The following TBC1D1 variants were observed in gnomAD, a reference collection of about 807,000 sequenced individuals.
The protein encoded by TBC1D1 is TBC1 domain family member 1, also known as TBC1 (tre-2/USP6, BUB2, cdc16) domain family, member 1.
In TBC1D1, 89 loss-of-function variants were observed where a neutral mutation model predicts 125.6. That is an observed-to-expected ratio of 0.71 (90% CI 0.60 to 0.85). TBC1D1 has a LOEUF of 0.85. Among genes scored for constraint, TBC1D1 ranks in the 40% least tolerant of loss-of-function variants. The pLI is 0.00. For missense variants in TBC1D1, 1,377 were observed against 1,469.2 expected, an observed-to-expected ratio of 0.94 and a Z score of 1.03; for synonymous variants, 565 against 564.1, an observed-to-expected ratio of 1.00 and a Z score of -0.02.
At chr4:38,054,383 C>T in intron 12 of TBC1D1, 45 bp downstream of exon 14, 1 of 1,609,932 alleles carries the variant, frequency 6.2e-7, no homozygotes, top group Non-Finnish European at 8.5e-7. Flanking sequence ...AGCACGCTGA[C>T]AGAGGACCCT....
At chr4:37,903,630 T>C (rs1560458495) in intron 2 of TBC1D1, among the ~76,000 whole-genome samples, 1 of 152,252 alleles carries the variant, frequency 6.6e-6, no homozygotes. Flanking sequence ...ATGTACTCTC[T>C]AGGGTGTAAG....
chr4:38,084,028 C>T (rs1343598440), intron 12 of TBC1D1, among the ~76,000 whole-genome samples: 2 of 151,682 alleles, frequency 1.3e-5, no homozygotes, highest in East Asian at 1.9e-4. Context: ...AGCTCCGCCT[C>T]CCGGGTTCAT....
chr4:38,094,748 A>G (rs527421924), intron 13 of TBC1D1, among the ~76,000 whole-genome samples: 1 of 152,252 alleles, frequency 6.6e-6, no homozygotes, highest in East Asian at 1.9e-4. Context: ...TGCCAGAGGA[A>G]CGTACGTTGG....
At chr4:38,045,058 T>C (rs1168057743) in intron 9 of TBC1D1, among the ~76,000 whole-genome samples, 1 of 152,224 alleles carries the variant, frequency 6.6e-6, no homozygotes, top group Non-Finnish European at 1.5e-5. Flanking sequence ...ACACTTACTA[T>C]CTGGCCCTTT....
chr4:38,132,545 T>C (rs1406592864), intron 18 of TBC1D1, among the ~76,000 whole-genome samples: 1 of 152,238 alleles, frequency 6.6e-6, no homozygotes, highest in Non-Finnish European at 1.5e-5. Flanking sequence ...ATGTGGGTTT[T>C]GGCTCATTTC....
In TBC1D1 at chr4:38,029,139, C is replaced by T. The variant is rs895697258; in HGVS notation, c.1302+1260C>T. ...GTCTGCTTTAGCTGAGGGGCATTTTCGATGATTCCCTGGCACTTTTTTAGG... is the reference window on the plus strand; with the variant it reads ...GTCTGCTTTAGCTGAGGGGCATTTTTGATGATTCCCTGGCACTTTTTTAGG... On this transcript the variant is annotated intron_variant, in intron 7 of 19. Transcript: ENST00000261439. Among the ~76,000 whole-genome samples the T allele has an allele frequency of 9.2e-5, 14 of 152,068 alleles. No individual in the cohort carries two copies. The East Asian group carries it at 2.3e-3, about 25-fold the overall frequency.
chr4:38,037,300 TAA>T (rs1286704408), intron 8 of TBC1D1, among the ~76,000 whole-genome samples: 2 of 151,288 alleles, frequency 1.3e-5, no homozygotes, highest in Non-Finnish European at 2.9e-5. Context: ...CAAAAAAACA[TAA>T]GAGTTCAATG....
At chr4:38,002,781 A>G (rs1394346846) in intron 2 of TBC1D1, among the ~76,000 whole-genome samples, 1 of 152,212 alleles carries the variant, frequency 6.6e-6, no homozygotes, top group Non-Finnish European at 1.5e-5. Flanking sequence ...ATGGGTGGCC[A>G]TTATTTTAGA....
At chr4:38,111,188 C>T (rs1762141465) in intron 15 of TBC1D1, among the ~76,000 whole-genome samples, 1 of 152,210 alleles carries the variant, frequency 6.6e-6, no homozygotes, top group Admixed American at 6.5e-5. Flanking sequence ...GTGGATTGTC[C>T]AGGAAATGCT....
chr4:38,027,794 A>T lies in TBC1D1; in HGVS notation c.1217A>T (p.Asn406Ile). The T allele has an allele frequency of 6.2e-7, 1 of 1,609,534 alleles. No individual in the cohort carries two copies. The highest frequency in any genetic ancestry group is 8.5e-7 in the Non-Finnish European group (1 of 1,178,480). The change falls in exon 7 of 20, where the codon AAT (asparagine) becomes ATT (isoleucine). Residue 406 changes from asparagine (N) to isoleucine (I), a missense_variant. Physicochemically the swap from Asn to Ile is moderately radical, Grantham distance 149. This residue lies in a region of TBC1D1 where 822 missense variants were observed against 824.6 expected (regional missense o/e 1.00). Transcript: ENST00000261439. The stretch of plus-strand genomic sequence containing the variant: ...CTCTTTTTTCTCTTAATAGGAATGA[A>T]TTCTTCCAAAACAAAACTAGAACTG...
intron 2 of TBC1D1, among the ~76,000 whole-genome samples, chr4:37,946,835 C>T (rs1253492499): frequency 6.6e-6 from 1 of 152,190 alleles, no homozygotes; most frequent in Non-Finnish European, 1.5e-5. Context: ...TCAGGACTGC[C>T]TCAGGACTCC....
At chr4:37,976,374 C>T (rs1019630105) in intron 2 of TBC1D1, among the ~76,000 whole-genome samples, 1 of 152,236 alleles carries the variant, frequency 6.6e-6, no homozygotes, top group Non-Finnish European at 1.5e-5. Context: ...TCCTGGATTT[C>T]TGACCCACAG....
intron 17 of TBC1D1, among the ~76,000 whole-genome samples, chr4:38,124,385 A>G (rs1190169574): frequency 6.6e-6 from 1 of 152,244 alleles, no homozygotes; most frequent in African/African-American, 2.4e-5. Context: ...AGAACTAGGA[A>G]GTAACCTTGA....
chr4:37,898,330 G>A (rs1024578237), intron 1 of TBC1D1, among the ~76,000 whole-genome samples: 1 of 151,224 alleles, frequency 6.6e-6, no homozygotes, highest in Non-Finnish European at 1.5e-5. Flanking sequence ...AGTTGCTTGA[G>A]GTAGGACTTA....
intron 2 of TBC1D1, among the ~76,000 whole-genome samples, chr4:38,011,280 G>C (rs1428726869): frequency 1.3e-5 from 2 of 151,622 alleles, no homozygotes; most frequent in African/African-American, 2.4e-5. Context: ...TTGAACCTGG[G>C]GGGCAGAGGT....
chr4:37,970,563 A>G (rs1025239445), intron 2 of TBC1D1, among the ~76,000 whole-genome samples: 1 of 152,124 alleles, frequency 6.6e-6, no homozygotes, highest in South Asian at 2.1e-4. Context: ...GCCTGAAGTT[A>G]TTTTCCTTCC....
chr4:37,913,641 G>A lies in TBC1D1; in HGVS notation c.417+11129G>A, dbSNP rs148024033. ...TATATATGTGTGTATATATATATAT[G>A]TGTGTGTGTGTGTATATATATATAT... On this transcript the variant is annotated intron_variant, in intron 2 of 19. Transcript: ENST00000261439. Among the ~76,000 whole-genome samples, 426 of 143,010 alleles carry A rather than the reference G, an allele frequency of 3.0e-3. 2 individuals carry two copies. Among genetic ancestry groups the A allele is most frequent in the African/African-American group, 0.01 (367 of 35,944 alleles). The allele number at this position is 143,010 out of a possible 152,430, so 93.8% of individuals were successfully genotyped here. A position where few individuals can be genotyped will look rare whatever the true frequency, so the allele number is the denominator to read the frequency against.
chr4:38,090,054 C>A lies in TBC1D1; in HGVS notation c.2173C>A (p.Gln725Lys). The A allele has an allele frequency of 6.2e-7, 1 of 1,614,018 alleles. No individual in the cohort carries two copies. The highest frequency in any genetic ancestry group is 1.1e-5 in the South Asian group (1 of 91,056). ...ATCTCGTGAGCTCCGAGAGCTGTGG[C>A]AAAAGGCTATTCTTCAACAGATACT... The change falls in exon 13 of 20, where the codon CAA becomes AAA. Residue 725 changes from glutamine (Q) to lysine (K), a missense_variant. By Grantham distance (53) the Gln-to-Lys change is moderately conservative (BLOSUM62 1). This residue lies in a region of TBC1D1 where 543 missense variants were observed against 613.5 expected (regional missense o/e 0.89). Transcript: ENST00000261439.
At chr4:37,958,790 A>G (rs1414382438) in intron 2 of TBC1D1, among the ~76,000 whole-genome samples, 1 of 152,248 alleles carries the variant, frequency 6.6e-6, no homozygotes, top group Non-Finnish European at 1.5e-5. Context: ...AGACAGGATT[A>G]CAGACAGGTG....
Sources: gnomAD v4.1 joint callset for allele counts (sites outside exome capture counted in the v4.1 genomes callset) on GRCh38, gnomAD v4.1.1 for gene constraint, gnomAD v4.1.1 regional missense constraint, MANE v1.5 for transcripts, NCBI Gene and HGNC (gene_info 2026-07-23, HGNC 2026-07-21) for gene names.